Variants in DNAJC24 observed in about 807,000 individuals in gnomAD.
DNAJC24 encodes the protein dnaJ homolog subfamily C member 24.
DNAJC24 carries 17 observed loss-of-function variants against 18.0 expected under a neutral mutation model. The observed-to-expected ratio is 0.94, with a 90% CI of 0.65 to 1.42. The LOEUF is 1.42. Among genes scored for constraint, DNAJC24 ranks in the 40% most tolerant of loss-of-function variants. The pLI, the probability that DNAJC24 is intolerant of heterozygous loss-of-function variation, is 0.00. For synonymous variants in DNAJC24, 55 were observed against 57.7 expected (o/e 0.95, Z 0.21); for missense variants, 158 against 175.6 (o/e 0.90, Z 0.57).
intron 4 of DNAJC24, among the ~76,000 whole-genome samples, chr11:31,428,636 A>G (rs922384997): frequency 1.3e-5 from 2 of 152,166 alleles, no homozygotes; most frequent in African/African-American, 4.8e-5. Flanking sequence ...AAAGGGCAGT[A>G]TGAAATGATG....
Position 31,423,261 on chromosome 11 carries a change from T to G in DNAJC24, c.251-3026T>G, listed in dbSNP as rs545228967. On this transcript the variant is annotated intron_variant, in intron 3 of 4. Coordinates refer to ENST00000465995, the MANE Select transcript of DNAJC24 (RefSeq NM_181706.5). The stretch of plus-strand genomic sequence containing the variant: ...TTTAACCAGAAAGCCTCTGGTTTTG[T>G]TTTTGTTTTTTGTTTTCGAGACGGA... Among the ~76,000 whole-genome samples, 7 of 152,242 alleles carry G rather than the reference T, an allele frequency of 4.6e-5. 1 individual carries two copies. The South Asian group carries it at 1.5e-3, about 32-fold the overall frequency.
At chr11:31,407,431 C>T (rs1182044622) in intron 2 of DNAJC24, 1 of 151,742 alleles carries the variant, frequency 6.6e-6, no homozygotes, top group African/African-American at 2.4e-5. Flanking sequence ...TCATTTGGAG[C>T]TAATGAATAT....
intron 3 of DNAJC24, among the ~76,000 whole-genome samples, chr11:31,422,287 A>G (rs1469539245): frequency 2.6e-5 from 4 of 152,162 alleles, no homozygotes; most frequent in African/African-American, 4.8e-5. Flanking sequence ...ACAGACCTTA[A>G]TGTTCCTAGA....
At chr11:31,428,371 G>A (rs1247070932) in intron 4 of DNAJC24, among the ~76,000 whole-genome samples, 1 of 152,154 alleles carries the variant, frequency 6.6e-6, no homozygotes, top group South Asian at 2.1e-4. Flanking sequence ...AGAGCTACAT[G>A]AAACCATTAT....
intron 2 of DNAJC24, among the ~76,000 whole-genome samples, chr11:31,383,183 A>G (rs1020150819): frequency 3.9e-5 from 6 of 152,052 alleles, no homozygotes; most frequent in Middle Eastern, 6.8e-3. Flanking sequence ...TTAGGTAGGC[A>G]TACTTGATTA....
At chr11:31,395,769 T>G (rs932429771) in intron 2 of DNAJC24, among the ~76,000 whole-genome samples, 4 of 152,200 alleles carry the variant, frequency 2.6e-5, no homozygotes, top group Non-Finnish European at 5.9e-5. Context: ...CTTACTCTCA[T>G]GAGTAGCTTA....
Position 31,372,233 on chromosome 11 carries a change from T to TCTCTTGCCTGCTGCCATGTAAGAC in DNAJC24, c.111+1374_111+1375insCTCTTGCCTGCTGCCATGTAAGAC, listed in dbSNP as rs1303253892. Among the ~76,000 whole-genome samples the TCTCTTGCCTGCTGCCATGTAAGAC allele has an allele frequency of 3.0e-3, 424 of 139,916 alleles. 4 individuals are homozygous for TCTCTTGCCTGCTGCCATGTAAGAC. Among genetic ancestry groups the TCTCTTGCCTGCTGCCATGTAAGAC allele is most frequent in the Admixed American group, 4.0e-3 (56 of 13,848 alleles). The allele number at this position is 139,916 out of a possible 152,430, so 91.8% of individuals were successfully genotyped here. A position where few individuals can be genotyped will look rare whatever the true frequency, so the allele number is the denominator to read the frequency against. The stretch of plus-strand genomic sequence containing the variant: ...CTTCTTAAGCCAATGTCTGTAATTC[T>TCTCTTGCCTGCTGCCATGTAAGAC]ATACCGACGTCCGGTTAACTCAGTT... On this transcript the variant is annotated intron_variant, in intron 2 of 4. Coordinates refer to ENST00000465995, the MANE Select transcript of DNAJC24 (RefSeq NM_181706.5).
intron 2 of DNAJC24, among the ~76,000 whole-genome samples, chr11:31,372,236 A>AAGGGGTTT (rs1281763804): frequency 1.2e-5 from 1 of 83,952 alleles, no homozygotes; most frequent in African/African-American, 3.0e-5. Flanking sequence ...GTAATTCTAT[A>AAGGGGTTT]CCGACGTCCG....
intron 2 of DNAJC24, among the ~76,000 whole-genome samples, chr11:31,388,416 C>G (rs1952452802): frequency 1.3e-5 from 2 of 152,140 alleles, no homozygotes; most frequent in Non-Finnish European, 2.9e-5. Flanking sequence ...GTGTCTGGCA[C>G]CAGCCTTCCC....
chr11:31,407,246 G>T (rs1952664981), intron 2 of DNAJC24, among the ~76,000 whole-genome samples: 1 of 152,072 alleles, frequency 6.6e-6, no homozygotes, highest in Non-Finnish European at 1.5e-5. Context: ...CCTTTTCATG[G>T]TTTATTGTTA....
chr11:31,393,563 CTT>C (rs1952518425), intron 2 of DNAJC24, among the ~76,000 whole-genome samples: 3 of 152,270 alleles, frequency 2.0e-5, no homozygotes, highest in African/African-American at 7.2e-5. Context: ...CTTACTCTCT[CTT>C]GGCCCATATC....
At chr11:31,394,033 A>G (rs575251498) in intron 2 of DNAJC24, among the ~76,000 whole-genome samples, 1 of 152,092 alleles carries the variant, frequency 6.6e-6, no homozygotes, top group South Asian at 2.1e-4. Context: ...TATATTGTTG[A>G]TTTATTTAAC....
rs544316927 is a variant in DNAJC24 at position 31,402,013 on chromosome 11, T to TC, written c.112-12797dup. ...TGACTAGATACAGCCCTGTGTCACT[T>TC]CAAGGTCGGGATATTTTCCGAGAAA... is the stretch of plus-strand genomic sequence containing the variant. On this transcript the variant is annotated intron_variant, in intron 2 of 4. Transcript: ENST00000465995. Among the ~76,000 whole-genome samples the TC allele has an allele frequency of 2.0e-4, 31 of 152,342 alleles. No homozygotes were observed. The South Asian group carries it at 6.0e-3, about 30-fold the overall frequency.
intron 4 of DNAJC24, among the ~76,000 whole-genome samples, chr11:31,428,868 T>G (rs1952891213): frequency 6.6e-6 from 1 of 152,114 alleles, no homozygotes; most frequent in Admixed American, 6.6e-5. Flanking sequence ...AGCATTAACA[T>G]TTGGAGTCAT....
Position 31,432,611 on chromosome 11 carries a change from T to A in DNAJC24, c.*2210T>A. The A allele has an allele frequency of 4.7e-6, 6 of 1,271,884 alleles. No individual in the cohort carries two copies. Among genetic ancestry groups the A allele is most frequent in the Non-Finnish European group, 5.8e-6 (5 of 868,022 alleles). 78.8% of individuals were successfully genotyped at this position (1,271,884 alleles called of 1,614,324 possible). On this transcript the variant is annotated 3_prime_UTR_variant, in exon 5 of 5. Transcript: ENST00000465995. The stretch of plus-strand genomic sequence containing the variant: ...GGTTGAAGACAATTAGTGAAAGTAA[T>A]GTTATAGTATCATCATATTCCCTTT...
intron 2 of DNAJC24, among the ~76,000 whole-genome samples, chr11:31,395,099 T>G (rs1952532404): frequency 6.6e-6 from 1 of 152,176 alleles, no homozygotes; most frequent in Non-Finnish European, 1.5e-5. Flanking sequence ...TACTCAGTGT[T>G]TAGCTCCACC....
At chr11:31,400,307 G>C (rs1282943956) in intron 2 of DNAJC24, among the ~76,000 whole-genome samples, 1 of 151,992 alleles carries the variant, frequency 6.6e-6, no homozygotes, top group Non-Finnish European at 1.5e-5. Context: ...TGGTATTTCT[G>C]GTTCTAGGTC....
rs1430662045 is a variant in DNAJC24, at chr11:31,432,001, A to AAAG, written c.*1601_*1603dup. 3.9e-5 allele frequency among the ~76,000 whole-genome samples: 6 copies of AAAG among 152,308 alleles called. No individual in the cohort carries two copies. In the South Asian group the frequency reaches 1.0e-3, roughly 26 times the overall value. On this transcript the variant is annotated 3_prime_UTR_variant, in exon 5 of 5. Coordinates refer to ENST00000465995, the MANE Select transcript of DNAJC24 (RefSeq NM_181706.5). Reference sequence around the variant, plus strand: ...TGTATTTAATATTTTGTGTACAGTAAAAGTCAGAACTCATTTAAAGAACTT... The same window carrying AAAG: ...TGTATTTAATATTTTGTGTACAGTAAAAGAAGTCAGAACTCATTTAAAGAACTT...
chr11:31,372,123 G>A (rs1179632849), intron 2 of DNAJC24, among the ~76,000 whole-genome samples: 1 of 151,286 alleles, frequency 6.6e-6, no homozygotes, highest in Admixed American at 6.6e-5. Flanking sequence ...GCACCCGGCC[G>A]ACTCTTTTTT....
Sources: gnomAD v4.1 joint callset for allele counts (sites outside exome capture counted in the v4.1 genomes callset) on GRCh38, gnomAD v4.1.1 for gene constraint, MANE v1.5 for transcripts, NCBI Gene and HGNC (gene_info 2026-07-23, HGNC 2026-07-21) for gene names.